The following ARHGAP25 variants were observed in gnomAD, a reference collection of about 807,000 sequenced individuals.
The protein encoded by ARHGAP25 is rho GTPase-activating protein 25.
ARHGAP25 carries 34 observed loss-of-function variants against 71.0 expected under a neutral mutation model. The observed-to-expected ratio is 0.48, with a 90% CI of 0.36 to 0.64. The LOEUF is 0.64. Among genes scored for constraint, ARHGAP25 ranks in the 30% least tolerant of loss-of-function variants. The probability of loss-of-function intolerance (pLI) is 0.00; values close to 1 mark genes in which losing one functional copy is unlikely to be tolerated. For synonymous variants in ARHGAP25, 282 were observed against 296.5 expected, an observed-to-expected ratio of 0.95 and a Z score of 0.50; for missense variants, 706 against 805.1, an observed-to-expected ratio of 0.88 and a Z score of 1.49.
At chr2:68,772,028 G>T (rs887150301) in intron 1 of ARHGAP25, among the ~76,000 whole-genome samples, 2 of 152,232 alleles carry the variant, frequency 1.3e-5, no homozygotes, top group Non-Finnish European at 2.9e-5. Flanking sequence ...CAACGCACAC[G>T]TGCTCCTAGG....
intron 9 of ARHGAP25, 104 bp downstream of exon 9, chr2:68,819,423 A>C: frequency 8.4e-7 from 1 of 1,191,720 alleles, no homozygotes; most frequent in Non-Finnish European, 1.2e-6. Context: ...GTTTTAGGTG[A>C]TGCAGTGGCA....
At chr2:68,720,102 C>G (rs1674721414) in intron 2 of ARHGAP25, among the ~76,000 whole-genome samples, 1 of 152,058 alleles carries the variant, frequency 6.6e-6, no homozygotes, top group African/African-American at 2.4e-5. Context: ...GCTGACTGAT[C>G]AGGGTTCTTT....
At position 68,818,107 on chromosome 2, in the gene ARHGAP25, A is replaced by G. The variant is rs1199929294; in HGVS notation, c.1003+113A>G. ...CCCAAGCATTTTAAGCTGGTTATCA[A>G]TCTCATCTGAATCATGCAATAGCCT... On this transcript the variant is annotated intron_variant, in intron 8 of 10. Coordinates refer to ENST00000409202, the MANE Select transcript of ARHGAP25 (RefSeq NM_001007231.3). 1.1e-5 allele frequency: 16 copies of G among 1,394,028 alleles called. No homozygotes were observed. In the South Asian group the frequency reaches 1.4e-4, roughly 12 times the overall value. The allele number at this position is 1,394,028 out of a possible 1,614,324, so 86.4% of individuals were successfully genotyped here.
At chr2:68,729,520 C>T (rs753988431) in intron 2 of ARHGAP25, among the ~76,000 whole-genome samples, 1 of 152,158 alleles carries the variant, frequency 6.6e-6, no homozygotes, top group Non-Finnish European at 1.5e-5. Context: ...TAGACACATC[C>T]AACCCTTACA....
chr2:68,736,417 A>T (rs1675223485), intron 1 of ARHGAP25, among the ~76,000 whole-genome samples: 1 of 152,228 alleles, frequency 6.6e-6, no homozygotes. Context: ...ACTATCATTG[A>T]TACAAATGTA....
At chr2:68,811,283 C>A (rs1680796265) in intron 5 of ARHGAP25, among the ~76,000 whole-genome samples, 1 of 152,154 alleles carries the variant, frequency 6.6e-6, no homozygotes, top group Middle Eastern at 3.4e-3. Flanking sequence ...AGGAGAGGTC[C>A]CAATCAAACA....
intron 1 of ARHGAP25, 47 bp from the exon 2 acceptor site, chr2:68,775,174 C>T (rs371563498): frequency 2.5e-5 from 41 of 1,614,052 alleles, no homozygotes; most frequent in Non-Finnish European, 9.3e-6. Context: ...TCTTTGCTCA[C>T]TGCCCCATGT....
At chr2:68,764,877 C>G (rs955067378) in intron 1 of ARHGAP25, among the ~76,000 whole-genome samples, 1 of 152,182 alleles carries the variant, frequency 6.6e-6, no homozygotes, top group South Asian at 2.1e-4. Context: ...CGTCTTCCCC[C>G]CAAATGGCAT....
intron 2 of ARHGAP25, among the ~76,000 whole-genome samples, chr2:68,779,383 A>C (rs1054858258): frequency 2.0e-5 from 3 of 152,242 alleles, no homozygotes; most frequent in African/African-American, 7.2e-5. Flanking sequence ...ATGATAGCAA[A>C]ATAATCAGAA....
chr2:68,794,652 C>T (rs1679412492), intron 4 of ARHGAP25, among the ~76,000 whole-genome samples: 1 of 152,008 alleles, frequency 6.6e-6, no homozygotes, highest in Admixed American at 6.6e-5. Flanking sequence ...TTTTGATGTG[C>T]TGTTGGATTT....
chr2:68,822,903 C>T (rs763615097), intron 10 of ARHGAP25, 31 bp downstream of exon 10: 18 of 1,562,694 alleles, frequency 1.2e-5, no homozygotes, highest in African/African-American at 2.7e-5. Flanking sequence ...CTGAGAGGCA[C>T]TTGGCTTCCA....
chr2:68,782,613 C>G (rs1450645584), intron 3 of ARHGAP25, among the ~76,000 whole-genome samples: 1 of 152,200 alleles, frequency 6.6e-6, no homozygotes, highest in African/African-American at 2.4e-5. Context: ...CTCTGAGCCA[C>G]TGACATGAAA....
At chr2:68,735,975 A>G (rs1675192350) in intron 1 of ARHGAP25, among the ~76,000 whole-genome samples, 1 of 152,210 alleles carries the variant, frequency 6.6e-6, no homozygotes, top group South Asian at 2.1e-4. Context: ...AGTTCTTTAC[A>G]TAGATTTCTT....
At chr2:68,734,134 G>T (rs1474494673), upstream of ARHGAP25, among the ~76,000 whole-genome samples, 1 of 152,236 alleles carries the variant, frequency 6.6e-6, no homozygotes, top group Non-Finnish European at 1.5e-5. Flanking sequence ...CAACCACTCT[G>T]TGTCAAGCTC....
intron 9 of ARHGAP25, chr2:68,819,802 C>A (rs1681507499): frequency 3.3e-6 from 1 of 299,480 alleles, no homozygotes; most frequent in Non-Finnish European, 6.2e-6. Context: ...CATGTCAGCC[C>A]CCACATTTGT....
chr2:68,724,507 C>G (rs1674837064), intron 2 of ARHGAP25, among the ~76,000 whole-genome samples: 1 of 152,176 alleles, frequency 6.6e-6, no homozygotes, highest in African/African-American at 2.4e-5. Flanking sequence ...GACCCTCAGA[C>G]CATTACCAAT....
chr2:68,746,019 C>T (rs1018910283), intron 1 of ARHGAP25, among the ~76,000 whole-genome samples: 1 of 152,170 alleles, frequency 6.6e-6, no homozygotes, highest in Non-Finnish European at 1.5e-5. Context: ...ATGACCTAAT[C>T]ACCTCCCAAG....
intron 5 of ARHGAP25, among the ~76,000 whole-genome samples, chr2:68,809,398 T>C (rs1003141615): frequency 6.6e-6 from 1 of 152,066 alleles, no homozygotes; most frequent in Non-Finnish European, 1.5e-5. Context: ...TCAAGACAGG[T>C]CAACAAAACT....
At position 68,775,388 on chromosome 2, in the gene ARHGAP25, T is replaced by C. The variant is rs766366901; in HGVS notation, c.229T>C (p.Tyr77His). 12 of 1,614,098 alleles carry C rather than the reference T, an allele frequency of 7.4e-6. No individual in the cohort carries two copies. The East Asian group carries it at 2.7e-4, about 36-fold the overall frequency. ...YFVLRAQQLY[Y>H]YKDEEDTKPQ... ...TGTGCTGAGGGCGCAGCAGCTCTAC[T>C]ACTACAAGGATGAAGAGGACACGAA... The change falls in exon 2 of 11, where the codon TAC becomes CAC. Residue 77 changes from tyrosine to histidine, a missense_variant. Transcript: ENST00000409202.
Sources: gnomAD v4.1 joint callset for allele counts (sites outside exome capture counted in the v4.1 genomes callset) on GRCh38, gnomAD v4.1.1 for gene constraint, MANE v1.5 for transcripts, NCBI Gene and HGNC (gene_info 2026-07-23, HGNC 2026-07-21) for gene names.